The following F7 variants were observed in gnomAD, a reference collection of about 807,000 sequenced individuals.
The protein encoded by F7 is FVII coagulation protein.
In F7, 38 loss-of-function variants were observed where a neutral mutation model predicts 47.5. The observed-to-expected ratio is 0.80, with a 90% CI of 0.62 to 1.05. F7 has a LOEUF of 1.05. Ranked by LOEUF, F7 falls within the 50% of genes least tolerant of loss-of-function variation. The pLI is 0.00. For missense variants in F7, 575 were observed against 605.4 expected, an observed-to-expected ratio of 0.95 and a Z score of 0.53; for synonymous variants, 244 against 258.5, an observed-to-expected ratio of 0.94 and a Z score of 0.54.
chr13:113,119,486 C>T lies in F7; in HGVS notation c.*478C>T. 5.0e-6 allele frequency: 1 copy of T among 201,544 alleles called. No individual in the cohort carries two copies. Among genetic ancestry groups the T allele is most frequent in the Non-Finnish European group, 1.0e-5 (1 of 98,394 alleles). The allele number at this position is 201,544 out of a possible 1,614,324, so 12.5% of individuals were successfully genotyped here. On this transcript the variant is annotated 3_prime_UTR_variant, in exon 8 of 8. Transcript: ENST00000346342. ...ACACACACACACGCCAATGCACACA[C>T]ACAGAGATATGCACACACACGGATG...
Position 113,110,798 on chromosome 13 carries a change from A to G in F7, c.173A>G (p.Glu58Gly). ...TCCCTGGAGAGGGAGTGCAAGGAGG[A>G]GCAGTGCTCCTTCGAGGAGGCCCGG... ...PGSLERECKE[E>G]QCSFEEAREI... Residue 58 changes from glutamate to glycine, a missense_variant, in exon 2 of 8, where the codon GAG (glutamate) becomes GGG (glycine). Transcript: ENST00000346342. 6.4e-7 allele frequency: 1 copy of G among 1,555,946 alleles called. No individual in the cohort carries two copies. Among genetic ancestry groups the G allele is most frequent in the Middle Eastern group, 2.0e-4 (1 of 5,100 alleles).
At chr13:113,111,391 A>G (rs2036091177) in intron 2 of F7, among the ~76,000 whole-genome samples, 1 of 142,808 alleles carries the variant, frequency 7.0e-6, no homozygotes, top group Admixed American at 7.0e-5. Context: ...CTTCACACTC[A>G]CAGGTCACCT....
chr13:113,110,081 G>A (rs36208754), intron 1 of F7, among the ~76,000 whole-genome samples: 28,142 of 152,036 alleles, frequency 0.19, 3,186 homozygotes, highest in East Asian at 0.43. Flanking sequence ...GAGCTCTCAG[G>A]GGTCGCGGGG....
At position 113,113,911 on chromosome 13, in the gene F7, C is replaced by A. The variant is rs745925935; in HGVS notation, c.315C>A (p.Ser105=). 6.2e-7 allele frequency: 1 copy of A among 1,614,156 alleles called. No homozygotes were observed. The highest frequency in any genetic ancestry group is 8.5e-7 in the Non-Finnish European group (1 of 1,180,032). Residue 105 remains serine, a synonymous_variant, in exon 4 of 8, where the codon TCC becomes TCA. Coordinates refer to ENST00000346342, the MANE Select transcript of F7 (RefSeq NM_019616.4). This position sits in a 1 kb window ranked among gnomAD's most constrained non-coding sequence, Gnocchi z 4.1. ...GCTCCTGCAAGGACCAGCTCCAGTC[C>A]TATATCTGCTTCTGCCTCCCTGCCT... The part of the protein sequence containing the change: ...NGGSCKDQLQ[S]YICFCLPAFE...
At chr13:113,117,048 A>C in intron 6 of F7, 173 bp downstream of exon 6, 1 of 697,598 alleles carries the variant, frequency 1.4e-6, no homozygotes, top group Admixed American at 2.0e-5. Context: ...TAGTGGGGCA[A>C]GGAAGGAGAA....
rs1219122894 is a variant in F7 at position 113,110,610 on chromosome 13, C to A, written c.65-80C>A. ...GACGGGCGGGAACCTGCGATGCCCC[C>A]GCCGCGTGGGCCGTGGGGCGGTCTC... On this transcript the variant is annotated intron_variant, in intron 1 of 7. Coordinates refer to ENST00000346342, the MANE Select transcript of F7 (RefSeq NM_019616.4). The A allele has an allele frequency of 9.1e-6, 14 of 1,532,590 alleles. No homozygotes were observed. The East Asian group carries it at 3.4e-4, about 38-fold the overall frequency. The allele number at this position is 1,532,590 out of a possible 1,614,324, so 94.9% of individuals were successfully genotyped here.
At chr13:113,111,198 G>A (rs1323594958) in intron 2 of F7, among the ~76,000 whole-genome samples, 1 of 152,200 alleles carries the variant, frequency 6.6e-6, no homozygotes, top group Admixed American at 6.5e-5. Flanking sequence ...CATCGCAGAC[G>A]CGCGCGGCTC....
Position 113,110,850 on chromosome 13 carries a change from G to A in F7, c.225G>A (p.Thr75=). 1 of 1,558,280 alleles carries A rather than the reference G, an allele frequency of 6.4e-7. No homozygotes were observed. The highest frequency in any genetic ancestry group is 8.7e-7 in the Non-Finnish European group (1 of 1,151,836). Reference sequence around the variant, plus strand: ...AGATCTTCAAGGACGCGGAGAGGACGGTGAGCCCAGCCTCGGGGCGCCCCG... The same window carrying A: ...AGATCTTCAAGGACGCGGAGAGGACAGTGAGCCCAGCCTCGGGGCGCCCCG... ...AREIFKDAER[T]KLFWISYSDG... The change falls in exon 2 of 8, where the codon ACG becomes ACA. Residue 75 remains threonine (T), a splice_region_variant and synonymous_variant. Transcript: ENST00000346342.
intron 2 of F7, among the ~76,000 whole-genome samples, chr13:113,111,570 C>T (rs1296471129): frequency 9.7e-5 from 8 of 82,844 alleles, no homozygotes; most frequent in Admixed American, 4.7e-4. Context: ...TTCACACTCA[C>T]GGGTCACCTC....
Position 113,119,221 on chromosome 13 carries a change from C to T in F7, c.*213C>T, listed in dbSNP as rs2036257807. ...GGACATGGAGAGAGACTCAAAGAGA[C>T]TCCAAGATTCAAAGAGACTAATAGA... On this transcript the variant is annotated 3_prime_UTR_variant, in exon 8 of 8. Transcript: ENST00000346342. The T allele has an allele frequency of 1.7e-6, 1 of 595,766 alleles. No individual in the cohort carries two copies. The highest frequency in any genetic ancestry group is 3.0e-6 in the Non-Finnish European group (1 of 336,204). 36.9% of individuals were successfully genotyped at this position (595,766 alleles called of 1,614,324 possible). A position where few individuals can be genotyped will look rare whatever the true frequency, so the allele number is the denominator to read the frequency against.
intron 2 of F7, among the ~76,000 whole-genome samples, chr13:113,112,339 TACTCTCACAGGACACCTC>T (rs1555393372): frequency 9.3e-5 from 11 of 118,854 alleles, no homozygotes; most frequent in African/African-American, 2.6e-4. Context: ...CAGGTCACCT[TACTCTCACAGGACACCTC>T]ACTCTCACAG....
chr13:113,115,846 C>T (rs1466930846), intron 5 of F7, 46 bp downstream of exon 5: 1 of 1,611,590 alleles, frequency 6.2e-7, no homozygotes, highest in Non-Finnish European at 8.5e-7. Flanking sequence ...CAGTCCCTGT[C>T]CCACTACGGA....
chr13:113,109,609 C>G (rs1172818005), intron 1 of F7, among the ~76,000 whole-genome samples: 2 of 152,336 alleles, frequency 1.3e-5, no homozygotes, highest in Non-Finnish European at 2.9e-5. Context: ...CACCTGAGGC[C>G]TCGTCCTCCC....
chr13:113,114,003 G>A (rs2036150463), intron 4 of F7, 43 bp downstream of exon 4: 4 of 1,608,244 alleles, frequency 2.5e-6, no homozygotes, highest in Non-Finnish European at 2.5e-6. Flanking sequence ...AGGGCCCTGG[G>A]GAGCTGGTGG....
chr13:113,107,924 T>A (rs1595068409), intron 1 of F7, among the ~76,000 whole-genome samples: 3 of 73,308 alleles, frequency 4.1e-5, no homozygotes, highest in Admixed American at 1.5e-4. Flanking sequence ...CCCAGGGGCG[T>A]GGGTGTCCCG....
chr13:113,117,823 T>G (rs1566910042), intron 7 of F7, among the ~76,000 whole-genome samples: 1 of 152,196 alleles, frequency 6.6e-6, no homozygotes, highest in Non-Finnish European at 1.5e-5. Flanking sequence ...CTCTCAAGTG[T>G]CTCAGGGGCT....
Position 113,119,568 on chromosome 13 carries a change from G to C in F7, c.*560G>C, listed in dbSNP as rs543290081. 12 of 176,118 alleles carry C rather than the reference G, an allele frequency of 6.8e-5. No individual in the cohort carries two copies. The highest frequency in any genetic ancestry group is 3.9e-4 in the Admixed American group (7 of 17,780). 10.9% of individuals were successfully genotyped at this position (176,118 alleles called of 1,614,324 possible). ...ACACACCGATGCACACGCACATAGA[G>C]ATATGCACACACAGATGCACACACA... On this transcript the variant is annotated 3_prime_UTR_variant, in exon 8 of 8. Transcript: ENST00000346342.
At position 113,120,114 on chromosome 13, in the gene F7, C is replaced by T. The variant is rs1445040614; in HGVS notation, c.*1106C>T. The T allele has an allele frequency of 6.6e-6, 1 of 152,206 alleles. No individual in the cohort carries two copies. Among genetic ancestry groups the T allele is most frequent in the Non-Finnish European group, 1.5e-5 (1 of 68,048 alleles). 9.4% of individuals were successfully genotyped at this position (152,206 alleles called of 1,614,324 possible). ...TTTTCTTTCACAATTTTCAACATCA[C>T]TGAAATGAACCCTCACATGGAAGCT... On this transcript the variant is annotated 3_prime_UTR_variant, in exon 8 of 8. Coordinates refer to ENST00000346342, the MANE Select transcript of F7 (RefSeq NM_019616.4).
At position 113,118,548 on chromosome 13, in the gene F7, T is replaced by C. The variant is rs2036239235; in HGVS notation, c.875T>C (p.Leu292Pro). The change falls in exon 8 of 8, where the codon CTC becomes CCC. Residue 292 changes from leucine to proline, a missense_variant. Transcript: ENST00000346342. ...CTCCGCCTGCACCAGCCCGTGGTCC[T>C]CACTGACCATGTGGTGCCCCTCTGC... ...ALLRLHQPVV[L>P]TDHVVPLCLP... The C allele has an allele frequency of 1.2e-6, 2 of 1,612,462 alleles. No homozygotes were observed. Among genetic ancestry groups the C allele is most frequent in the East Asian group, 2.2e-5 (1 of 44,884 alleles).
Sources: gnomAD v4.1 joint callset for allele counts (sites outside exome capture counted in the v4.1 genomes callset) on GRCh38, gnomAD v4.1.1 for gene constraint, Gnocchi (gnomAD v3.1) non-coding constraint, MANE v1.5 for transcripts, NCBI Gene and HGNC (gene_info 2026-07-23, HGNC 2026-07-21) for gene names.